GRIK4: variants seen among roughly 807,000 people sequenced by gnomAD.
GRIK4 encodes the protein glutamate ionotropic receptor kainate type subunit 4.
A neutral mutation model predicts 104.9 loss-of-function variants in GRIK4; 40 were observed. The ratio of observed to expected loss-of-function variants is 0.38; its 90% confidence interval spans 0.30 to 0.50. GRIK4 has a LOEUF of 0.50. GRIK4 is among the 20% of genes least tolerant of loss of function. The pLI is 0.93. For synonymous variants in GRIK4, 485 were observed against 524.9 expected (o/e 0.92, Z 1.04); for missense variants, 1,047 against 1,308.1 (o/e 0.80, Z 3.08).
intron 8 of GRIK4, among the ~76,000 whole-genome samples, chr11:120,858,724 C>T (rs189926877): frequency 3.3e-5 from 5 of 152,294 alleles, no homozygotes; most frequent in Non-Finnish European, 5.9e-5. Flanking sequence ...TAAATACTGG[C>T]ACATAAGATG....
chr11:120,815,197 G>A (rs929220489), intron 4 of GRIK4, among the ~76,000 whole-genome samples, 181 bp from the exon 5 acceptor site: 1 of 152,256 alleles, frequency 6.6e-6, no homozygotes, highest in African/African-American at 2.4e-5. Context: ...AACTGTCCTG[G>A]AGCCCAGTCG....
chr11:120,556,360 C>T (rs1948185704), intron 1 of GRIK4, among the ~76,000 whole-genome samples: 1 of 152,158 alleles, frequency 6.6e-6, no homozygotes, highest in African/African-American at 2.4e-5. Context: ...TCCAGACCAC[C>T]TGTCCTCTCT....
chr11:120,516,359 G>A (rs1947723990), intron 1 of GRIK4, among the ~76,000 whole-genome samples: 1 of 152,206 alleles, frequency 6.6e-6, no homozygotes. Flanking sequence ...AGGCTGAGAA[G>A]GGGCTGTGCA....
At chr11:120,590,502 G>A (rs534622480) in intron 1 of GRIK4, among the ~76,000 whole-genome samples, 21 of 152,340 alleles carry the variant, frequency 1.4e-4, no homozygotes, top group South Asian at 1.2e-3. Context: ...AGGTGCACCC[G>A]GCTGCTGGCG....
intron 1 of GRIK4, among the ~76,000 whole-genome samples, chr11:120,531,627 G>A (rs1947924918): frequency 6.6e-6 from 1 of 151,904 alleles, no homozygotes; most frequent in African/African-American, 2.4e-5. Flanking sequence ...TCAGGCTGGA[G>A]TGCAGTGGCG....
intron 3 of GRIK4, among the ~76,000 whole-genome samples, chr11:120,664,511 CCT>C (rs750938080): frequency 2.6e-5 from 4 of 152,160 alleles, no homozygotes; most frequent in Non-Finnish European, 5.9e-5. Context: ...CAAACAATCC[CCT>C]GTTACAGATG....
In GRIK4 at chr11:120,982,213, G is replaced by A; in HGVS notation, c.2503G>A (p.Glu835Lys). Reference protein sequence around the residue: ...LEFLWTLRHSEATEVSVCQEM... With the variant: ...LEFLWTLRHSKATEVSVCQEM... ...GTTTTTATGGACTCTCAGACACTCA[G>A]AAGCAACTGAGGTAAACTTTCAAAG... Residue 835 changes from glutamate (E) to lysine (K), a missense_variant, in exon 20 of 21, where the codon GAA becomes AAA. By Grantham distance (56) the Glu-to-Lys change is moderately conservative. Around this residue, in one of 3 missense-constraint regions of GRIK4, gnomAD observed 440 missense variants for 652.3 expected, o/e 0.67. Transcript: ENST00000527524. The A allele has an allele frequency of 1.9e-6, 3 of 1,578,378 alleles. No individual in the cohort carries two copies. Among genetic ancestry groups the A allele is most frequent in the Non-Finnish European group, 2.6e-6 (3 of 1,147,488 alleles).
chr11:120,639,051 A>G (rs1949435642), intron 1 of GRIK4, among the ~76,000 whole-genome samples: 1 of 151,924 alleles, frequency 6.6e-6, no homozygotes, highest in Non-Finnish European at 1.5e-5. Flanking sequence ...ACAAAAAATT[A>G]GCTGGACATG....
At chr11:120,756,631 C>G (rs1255105733) in intron 3 of GRIK4, among the ~76,000 whole-genome samples, 1 of 152,208 alleles carries the variant, frequency 6.6e-6, no homozygotes, top group Non-Finnish European at 1.5e-5. Context: ...TGCCTTTTGT[C>G]TCTTGTGCAA....
chr11:120,519,130 G>A (rs1947765404), intron 1 of GRIK4, among the ~76,000 whole-genome samples: 1 of 152,154 alleles, frequency 6.6e-6, no homozygotes, highest in African/African-American at 2.4e-5. Flanking sequence ...TCTAACACTA[G>A]GCTGACACAT....
intron 13 of GRIK4, chr11:120,936,514 G>A: frequency 5.5e-6 from 1 of 182,942 alleles, no homozygotes; most frequent in Non-Finnish European, 1.1e-5. Flanking sequence ...TGGCCTTCCA[G>A]CACTGAGTAC....
chr11:120,824,466 G>A (rs543689641), intron 6 of GRIK4, among the ~76,000 whole-genome samples: 6 of 152,016 alleles, frequency 3.9e-5, no homozygotes, highest in South Asian at 4.2e-4. Context: ...TGGGCCCGAA[G>A]CCACAGGTAT....
At chr11:120,553,007 G>GAA (rs112138794) in intron 1 of GRIK4, among the ~76,000 whole-genome samples, 8 of 96,762 alleles carry the variant, frequency 8.3e-5, no homozygotes, top group Non-Finnish European at 1.8e-4. Context: ...CTCAAAAAAA[G>GAA]AAAAAAAAAA....
chr11:120,793,463 GC>G (rs1245435531), intron 3 of GRIK4, among the ~76,000 whole-genome samples: 1 of 152,066 alleles, frequency 6.6e-6, no homozygotes, highest in African/African-American at 2.4e-5. Context: ...AGGAAGGAAG[GC>G]TGTGGGTTGT....
intron 1 of GRIK4, among the ~76,000 whole-genome samples, chr11:120,605,927 G>A (rs886329097): frequency 6.6e-6 from 1 of 152,250 alleles, no homozygotes; most frequent in South Asian, 2.1e-4. Flanking sequence ...CACAGGCGGT[G>A]GCTGGGGAGA....
Position 120,860,084 on chromosome 11 carries a change from A to G in GRIK4, c.745-1875A>G, listed in dbSNP as rs76526060. Reference sequence around the variant, plus strand: ...AGGAAAGCAATCTTTCTTCCTGGCCAGAAGGAAAGCCTAAGGCACTTGCCA... The same window carrying G: ...AGGAAAGCAATCTTTCTTCCTGGCCGGAAGGAAAGCCTAAGGCACTTGCCA... On this transcript the variant is annotated intron_variant, in intron 8 of 20. Transcript: ENST00000527524. Among the ~76,000 whole-genome samples the G allele has an allele frequency of 3.8e-4, 58 of 152,370 alleles. No homozygotes were observed. The East Asian group carries it at 9.2e-3, about 24-fold the overall frequency.
At chr11:120,727,451 G>A (rs1010247085) in intron 3 of GRIK4, among the ~76,000 whole-genome samples, 8 of 152,094 alleles carry the variant, frequency 5.3e-5, no homozygotes, top group Non-Finnish European at 1.0e-4. Context: ...AATTAGAAAG[G>A]ATATATGAAA....
intron 8 of GRIK4, among the ~76,000 whole-genome samples, chr11:120,847,773 A>G (rs1953885343): frequency 1.3e-5 from 2 of 152,150 alleles, no homozygotes; most frequent in South Asian, 4.1e-4. Flanking sequence ...TCCCAAGTGG[A>G]CCTGAGTTAG....
At chr11:120,667,145 T>C (rs1949928344) in intron 3 of GRIK4, among the ~76,000 whole-genome samples, 1 of 152,220 alleles carries the variant, frequency 6.6e-6, no homozygotes. Context: ...TACAATCTTT[T>C]CACCTTTGGT....
Sources: allele counts gnomAD v4.1 joint callset (sites outside exome capture counted in the v4.1 genomes callset), GRCh38; gene constraint gnomAD v4.1.1; regional missense constraint gnomAD v4.1.1; transcripts MANE v1.5; gene names NCBI Gene and HGNC (gene_info 2026-07-23, HGNC 2026-07-21).